FSCB: variants seen among roughly 807,000 people sequenced by gnomAD.
FSCB encodes fibrous sheath CABYR binding protein.
For synonymous variants in FSCB, 331 were observed against 336.6 expected (o/e 0.98, Z 0.18); for missense variants, 975 against 934.8 (o/e 1.04, Z -0.56).
In FSCB at chr14:44,505,039, G is replaced by A; in HGVS notation, c.1949C>T (p.Pro650Leu). 1.8e-6 allele frequency: 1 copy of A among 560,506 alleles called. No homozygotes were observed. Among genetic ancestry groups the A allele is most frequent in the Non-Finnish European group, 3.1e-6 (1 of 319,324 alleles). 34.7% of individuals were successfully genotyped at this position (560,506 alleles called of 1,614,324 possible). The change falls in exon 1 of 1, where the codon CCA becomes CTA. Residue 650 changes from proline (P) to leucine (L), a missense_variant. Pro to Leu is a moderately conservative substitution (Grantham distance 98). Coordinates refer to ENST00000340446, the MANE Select transcript of FSCB (RefSeq NM_032135.4). ...AACTTCAGCGGGGGCCTCCTCAGCT[G>A]GTGGAGGCTGAACTTCAGCGGGGGC... ...EEAPAEVQPP[P>L]AEEAPAEVQP...
rs760050225 is a variant in FSCB, at chr14:44,504,865, G to C, written c.2123C>G (p.Pro708Arg). 6.2e-7 allele frequency: 1 copy of C among 1,614,206 alleles called. No individual in the cohort carries two copies. The highest frequency in any genetic ancestry group is 8.5e-7 in the Non-Finnish European group (1 of 1,180,046). The change falls in exon 1 of 1, where the codon CCT (proline) becomes CGT (arginine). Residue 708 changes from proline (P) to arginine (R), a missense_variant. By Grantham distance (103) the Pro-to-Arg change is moderately radical (BLOSUM62 -2). Coordinates refer to ENST00000340446, the MANE Select transcript of FSCB (RefSeq NM_032135.4). ...TTTGTCAACGGAGGCCTCTTCTGCA[G>C]GGACATCATCAGCTGGGGGAGAGTG... is the stretch of plus-strand genomic sequence containing the variant. ...AVHSPPADDV[P>R]AEEASVDKHS...
At position 44,505,528 on chromosome 14, in the gene FSCB, G is replaced by T. The variant is rs1321199116; in HGVS notation, c.1460C>A (p.Thr487Asn). Residue 487 changes from threonine to asparagine, a missense_variant, in exon 1 of 1, where the codon ACT (threonine) becomes AAT (asparagine). Coordinates refer to ENST00000340446, the MANE Select transcript of FSCB (RefSeq NM_032135.4). The part of the protein sequence containing the change: ...LAATEPPADE[T>N]PAEARSPLSE... ...TAGTGGAGACCGAGCTTCGGCAGGA[G>T]TTTCATCTGCAGGAGGCTCCGTAGC... The T allele has an allele frequency of 6.2e-7, 1 of 1,612,218 alleles. No individual in the cohort carries two copies. Among genetic ancestry groups the T allele is most frequent in the East Asian group, 2.2e-5 (1 of 44,802 alleles).
In FSCB at chr14:44,506,332, G is replaced by A. The variant is rs748456747; in HGVS notation, c.656C>T (p.Thr219Ile). The A allele has an allele frequency of 1.9e-6, 3 of 1,614,166 alleles. No individual in the cohort carries two copies. The highest frequency in any genetic ancestry group is 2.5e-6 in the Non-Finnish European group (3 of 1,180,022). Residue 219 changes from threonine (T) to isoleucine (I), a missense_variant, in exon 1 of 1, where the codon ACT (threonine) becomes ATT (isoleucine). Transcript: ENST00000340446. ...GQKNISRTSF[T>I]QETKKGPPVL... The stretch of plus-strand genomic sequence containing the variant: ...CGGGGGACCTTTTTTAGTCTCCTGA[G>A]TAAATGAAGTTCTGCTGATATTTTT...
rs140542441 is a variant in FSCB, at chr14:44,506,513, A to G, written c.475T>C (p.Phe159Leu). The G allele has an allele frequency of 6.2e-7, 1 of 1,614,036 alleles. No individual in the cohort carries two copies. The highest frequency in any genetic ancestry group is 1.3e-5 in the African/African-American group (1 of 74,918). Residue 159 changes from phenylalanine (F) to leucine (L), a missense_variant, in exon 1 of 1, where the codon TTT (phenylalanine) becomes CTT (leucine). By Grantham distance (22) the Phe-to-Leu change is conservative. Coordinates refer to ENST00000340446, the MANE Select transcript of FSCB (RefSeq NM_032135.4). ...EKVDKEQQTY[F>L]SESEIVVISR... ...ATAACCACTATTTCTGATTCACTAAAGTATGTCTGTTGTTCCTTGTCCACT... is the reference window on the plus strand; with the variant it reads ...ATAACCACTATTTCTGATTCACTAAGGTATGTCTGTTGTTCCTTGTCCACT...
chr14:44,507,020 C>T lies in FSCB; in HGVS notation c.-33G>A. 1 of 1,500,022 alleles carries T rather than the reference C, an allele frequency of 6.7e-7. No individual in the cohort carries two copies. The highest frequency in any genetic ancestry group is 1.3e-5 in the South Asian group (1 of 75,618). 92.9% of individuals were successfully genotyped at this position (1,500,022 alleles called of 1,614,324 possible). A position where few individuals can be genotyped will look rare whatever the true frequency, so the allele number is the denominator to read the frequency against. ...CTGGGTCATCTTCTCTTTCGAATTT[C>T]TTGCCTACACGCTGAGATAGGCTGA... is the stretch of plus-strand genomic sequence containing the variant. On this transcript the variant is annotated 5_prime_UTR_variant, in exon 1 of 1. Transcript: ENST00000340446.
Position 44,505,211 on chromosome 14 carries a change from T to C in FSCB, c.1777A>G (p.Ile593Val), listed in dbSNP as rs772923519. 1.2e-6 allele frequency: 2 copies of C among 1,612,126 alleles called. No homozygotes were observed. The highest frequency in any genetic ancestry group is 2.2e-5 in the South Asian group (2 of 90,958). The change falls in exon 1 of 1, where the codon ATT becomes GTT. Residue 593 changes from isoleucine (I) to valine (V), a missense_variant. Coordinates refer to ENST00000340446, the MANE Select transcript of FSCB (RefSeq NM_032135.4). ...ETTAEEASAA[I>V]QLLAATEASA... ...GCCTCTGTAGCTGCTAGAAGCTGAA[T>C]TGCAGCAGAGGCCTCTTCTGCAGTG...
At position 44,506,671 on chromosome 14, in the gene FSCB, A is replaced by C; in HGVS notation, c.317T>G (p.Ile106Ser). ...EKSADVREAA[I>S]ELPESVQDVE... ...ATCCTGAACACTCTCTGGCAATTCA[A>C]TAGCAGCTTCTCTAACATCAGCTGA... Residue 106 changes from isoleucine (I) to serine (S), a missense_variant, in exon 1 of 1, where the codon ATT becomes AGT. Coordinates refer to ENST00000340446, the MANE Select transcript of FSCB (RefSeq NM_032135.4). 1 of 1,614,180 alleles carries C rather than the reference A, an allele frequency of 6.2e-7. No individual in the cohort carries two copies. Among genetic ancestry groups the C allele is most frequent in the Non-Finnish European group, 8.5e-7 (1 of 1,180,028 alleles).
chr14:44,505,803 T>G lies in FSCB; in HGVS notation c.1185A>C (p.Glu395Asp). 1 of 1,614,104 alleles carries G rather than the reference T, an allele frequency of 6.2e-7. No individual in the cohort carries two copies. Among genetic ancestry groups the G allele is most frequent in the Non-Finnish European group, 8.5e-7 (1 of 1,180,004 alleles). Residue 395 changes from glutamate to aspartate, a missense_variant, in exon 1 of 1, where the codon GAA (glutamate) becomes GAC (aspartate). Glu to Asp is a conservative substitution (Grantham distance 45). Transcript: ENST00000340446. The part of the protein sequence containing the change: ...RSPSAQKAPI[E>D]VQPLPAEGAL... ...CGCCCTCAGCTGGTAAAGGCTGTAC[T>G]TCAATGGGAGCCTTTTGTGCTGAGG...
rs1434412356 is a variant in FSCB at position 44,504,559 on chromosome 14, A to G, written c.2429T>C (p.Ile810Thr). The G allele has an allele frequency of 2.5e-6, 4 of 1,613,468 alleles. No homozygotes were observed. The African/African-American group carries it at 5.3e-5, about 22-fold the overall frequency. ...TAATTCTATATGAAAAACACTTTCT[A>G]TTTCAAGAGTGGGAGCCTGTCCATC... ...TNDGQAPTLE[I>T]ESVFHIELKQ... Residue 810 changes from isoleucine to threonine, a missense_variant, in exon 1 of 1, where the codon ATA becomes ACA. Coordinates refer to ENST00000340446, the MANE Select transcript of FSCB (RefSeq NM_032135.4).
chr14:44,504,572 G>A lies in FSCB; in HGVS notation c.2416C>T (p.Pro806Ser), dbSNP rs772866993. The A allele has an allele frequency of 6.2e-7, 1 of 1,613,918 alleles. No individual in the cohort carries two copies. Residue 806 changes from proline (P) to serine (S), a missense_variant, in exon 1 of 1, where the codon CCC (proline) becomes TCC (serine). Physicochemically the swap from Pro to Ser is moderately conservative, Grantham distance 74 (BLOSUM62 -1). Transcript: ENST00000340446. ...DLSNTNDGQA[P>S]TLEIESVFHI... ...AAAACACTTTCTATTTCAAGAGTGG[G>A]AGCCTGTCCATCATTGGTATTAGAC...
chr14:44,505,834 C>T lies in FSCB; in HGVS notation c.1154G>A (p.Arg385Gln), dbSNP rs138964489. 138 of 1,613,854 alleles carry T rather than the reference C, an allele frequency of 8.6e-5. 1 individual carries two copies. In the Middle Eastern group the frequency reaches 2.0e-3, roughly 23 times the overall value. ...GGGAGCCTTTTGTGCTGAGGGAGAC[C>T]GAATTTCACCAAGAAGCTCTACTGA... ...SPSVELLGEIRSPSAQKAPIE... is the reference protein window; with the variant it reads ...SPSVELLGEIQSPSAQKAPIE... The change falls in exon 1 of 1, where the codon CGG becomes CAG. Residue 385 changes from arginine to glutamine, a missense_variant. Arg to Gln is a conservative substitution (Grantham distance 43). Transcript: ENST00000340446.
In FSCB at chr14:44,505,781, C is replaced by A. The variant is rs1198479538; in HGVS notation, c.1207G>T (p.Gly403Cys). Residue 403 changes from glycine to cysteine, a missense_variant, in exon 1 of 1, where the codon GGC becomes TGC. Gly to Cys is a radical substitution (Grantham distance 159). Coordinates refer to ENST00000340446, the MANE Select transcript of FSCB (RefSeq NM_032135.4). ...PIEVQPLPAE[G>C]ALEEAPAKVE... ...TTAGCTGGGGCCTCTTCAAGGGCGC[C>A]CTCAGCTGGTAAAGGCTGTACTTCA... 2.5e-6 allele frequency: 4 copies of A among 1,613,862 alleles called. No individual in the cohort carries two copies. The highest frequency in any genetic ancestry group is 2.5e-6 in the Non-Finnish European group (3 of 1,179,992).
In FSCB at chr14:44,506,262, A is replaced by G; in HGVS notation, c.726T>C (p.Val242=). The G allele has an allele frequency of 3.1e-6, 5 of 1,614,170 alleles. No homozygotes were observed. In the African/African-American group the frequency reaches 5.3e-5, roughly 17 times the overall value. ...DELREEVTVP[V]VQEGSAVKKV... ...TTTTAACAGCAGAACCTTCTTGTAC[A>G]ACAGGTACAGTTACTTCTTCCCTAA... Residue 242 remains valine (V), a synonymous_variant, in exon 1 of 1, where the codon GTT becomes GTC. Coordinates refer to ENST00000340446, the MANE Select transcript of FSCB (RefSeq NM_032135.4).
At position 44,507,002 on chromosome 14, in the gene FSCB, A is replaced by T; in HGVS notation, c.-15T>A. On this transcript the variant is annotated 5_prime_UTR_variant, in exon 1 of 1. An upstream start codon of the reference 5' UTR is lost. Transcript: ENST00000340446. ...TTGCCTACCATTGGTTTGCTGGGTCATCTTCTCTTTCGAATTTCTTGCCTA... is the reference window on the plus strand; with the variant it reads ...TTGCCTACCATTGGTTTGCTGGGTCTTCTTCTCTTTCGAATTTCTTGCCTA... The T allele has an allele frequency of 6.4e-7, 1 of 1,550,776 alleles. No individual in the cohort carries two copies. The highest frequency in any genetic ancestry group is 8.7e-7 in the Non-Finnish European group (1 of 1,146,154).
Position 44,507,136 on chromosome 14 carries a change from T to G in FSCB, c.-149A>C, listed in dbSNP as rs556553779. 1.6e-6 allele frequency: 1 copy of G among 644,578 alleles called. No individual in the cohort carries two copies. Among genetic ancestry groups the G allele is most frequent in the Non-Finnish European group, 2.7e-6 (1 of 373,286 alleles). The allele number at this position is 644,578 out of a possible 1,614,324, so 39.9% of individuals were successfully genotyped here. A position where few individuals can be genotyped will look rare whatever the true frequency, so the allele number is the denominator to read the frequency against. Reference sequence around the variant, plus strand: ...GACCAAAAATCACAAACGTACCAAGTGTCAAAGACTTTCCCTTTCTTAGGT... The same window carrying G: ...GACCAAAAATCACAAACGTACCAAGGGTCAAAGACTTTCCCTTTCTTAGGT... On this transcript the variant is annotated 5_prime_UTR_variant, in exon 1 of 1. Transcript: ENST00000340446.
Position 44,504,655 on chromosome 14 carries a change from A to G in FSCB, c.2333T>C (p.Leu778Ser), listed in dbSNP as rs758821418. Residue 778 changes from leucine (L) to serine (S), a missense_variant, in exon 1 of 1, where the codon TTG (leucine) becomes TCG (serine). By Grantham distance (145) the Leu-to-Ser change is moderately radical. Coordinates refer to ENST00000340446, the MANE Select transcript of FSCB (RefSeq NM_032135.4). ...CTCTTCAAATTTTGCTTCACCTTCC[A>G]AAACAACCGATCCTAATTTTACTGC... ...IPAVKLGSVV[L>S]EGEAKFEEVS... 1.2e-6 allele frequency: 2 copies of G among 1,614,190 alleles called. No homozygotes were observed. The highest frequency in any genetic ancestry group is 3.3e-5 in the Admixed American group (2 of 60,020).
rs751717732 is a variant in FSCB at position 44,505,501 on chromosome 14, G to C, written c.1487C>G (p.Ser496Cys). The C allele has an allele frequency of 1.2e-6, 2 of 1,612,188 alleles. No homozygotes were observed. Among genetic ancestry groups the C allele is most frequent in the Middle Eastern group, 2.1e-4 (1 of 4,742 alleles). Residue 496 changes from serine (S) to cysteine (C), a missense_variant, in exon 1 of 1, where the codon TCT (serine) becomes TGT (cysteine). Coordinates refer to ENST00000340446, the MANE Select transcript of FSCB (RefSeq NM_032135.4). ...ETPAEARSPL[S>C]EETSAEEAHA... ...AGCCTCTTCTGCAGAAGTCTCCTCA[G>C]ATAGTGGAGACCGAGCTTCGGCAGG...
chr14:44,505,796 G>C lies in FSCB; in HGVS notation c.1192C>G (p.Pro398Ala). The C allele has an allele frequency of 1.2e-6, 2 of 1,614,074 alleles. No individual in the cohort carries two copies. Among genetic ancestry groups the C allele is most frequent in the Non-Finnish European group, 1.7e-6 (2 of 1,179,998 alleles). The change falls in exon 1 of 1, where the codon CCT becomes GCT. Residue 398 changes from proline (P) to alanine (A), a missense_variant. By Grantham distance (27) the Pro-to-Ala change is conservative. Coordinates refer to ENST00000340446, the MANE Select transcript of FSCB (RefSeq NM_032135.4). ...SAQKAPIEVQ[P>A]LPAEGALEEA... ...TCAAGGGCGCCCTCAGCTGGTAAAG[G>C]CTGTACTTCAATGGGAGCCTTTTGT...
Position 44,506,104 on chromosome 14 carries a change from G to A in FSCB, c.884C>T (p.Pro295Leu), listed in dbSNP as rs1027707211. Residue 295 changes from proline (P) to leucine (L), a missense_variant, in exon 1 of 1, where the codon CCA (proline) becomes CTA (leucine). By Grantham distance (98) the Pro-to-Leu change is moderately conservative (BLOSUM62 -3). Coordinates refer to ENST00000340446, the MANE Select transcript of FSCB (RefSeq NM_032135.4). ...PAEETHVQVQ[P>L]STEETPDAEA... ...AGCATCAGGAGTCTCTTCAGTTGAT[G>A]GCTGTACTTGGACATGGGTCTCTTC... The A allele has an allele frequency of 1.3e-5, 21 of 1,614,152 alleles. No individual in the cohort carries two copies. Among genetic ancestry groups the A allele is most frequent in the Non-Finnish European group, 1.7e-5 (20 of 1,180,024 alleles).
Sources: gnomAD v4.1 joint callset for allele counts on GRCh38, gnomAD v4.1.1 for gene constraint, MANE v1.5 for transcripts, NCBI Gene and HGNC (gene_info 2026-07-23, HGNC 2026-07-21) for gene names.